The following TLK2 variants were observed in gnomAD, a reference collection of about 807,000 sequenced individuals.
TLK2 encodes serine/threonine-protein kinase tousled-like 2.
Under a neutral mutation model 117.3 loss-of-function variants are expected in TLK2, and 6 were observed. The observed-to-expected ratio is 0.05, with a 90% CI of 0.03 to 0.10. The LOEUF (loss-of-function observed/expected upper bound fraction) is 0.10, where lower values mean the gene tolerates loss of function less well. Among genes scored for constraint, TLK2 ranks in the 10% least tolerant of loss-of-function variants. TLK2 has a pLI of 1.00. For synonymous variants in TLK2, 257 were observed against 316.7 expected (o/e 0.81, Z 2.00); for missense variants, 299 against 901.2 (o/e 0.33, Z 8.56).
chr17:62,479,907 C>T (rs2071420541), intron 1 of TLK2, among the ~76,000 whole-genome samples: 1 of 152,198 alleles, frequency 6.6e-6, no homozygotes, highest in African/African-American at 2.4e-5. Context: ...CAGGGCAAGA[C>T]GCGAGGAAGG....
In TLK2 at chr17:62,559,970, T is replaced by G. The variant is rs139766205; in HGVS notation, c.721-46T>G. ...CTCTCCCTAGAAACTGCTTTTCCATTAATCTTCTTCCTTGGAGCTAATTAA... is the reference window on the plus strand; with the variant it reads ...CTCTCCCTAGAAACTGCTTTTCCATGAATCTTCTTCCTTGGAGCTAATTAA... On this transcript the variant is annotated intron_variant, in intron 9 of 21. Transcript: ENST00000346027. The G allele has an allele frequency of 7.2e-4, 996 of 1,391,366 alleles. 23 individuals are homozygous for G. The East Asian group carries it at 0.022, about 31-fold the overall frequency. The allele number at this position is 1,391,366 out of a possible 1,614,324, so 86.2% of individuals were successfully genotyped here.
intron 20 of TLK2, among the ~76,000 whole-genome samples, chr17:62,607,530 A>G (rs751821383): frequency 4.0e-5 from 6 of 151,600 alleles, no homozygotes; most frequent in Admixed American, 3.9e-4. Context: ...CTCCATCTCA[A>G]AAAAAAAGAC....
chr17:62,546,344 GTT>G lies in TLK2; in HGVS notation c.532-5943_532-5942del, dbSNP rs61100480. On this transcript the variant is annotated intron_variant, in intron 7 of 21. Transcript: ENST00000346027. ...GTTCCCTATTTTGAGTTTGTTGATT[GTT>G]TTTTTTTTTTTTTTACATAATGAAA... Among the ~76,000 whole-genome samples, 7 of 23,346 alleles carry G rather than the reference GTT, an allele frequency of 3.0e-4. 1 individual carries two copies. The highest frequency in any genetic ancestry group is 3.6e-3 in the South Asian group (1 of 276). The allele number at this position is 23,346 out of a possible 152,430, so 15.3% of individuals were successfully genotyped here.
At chr17:62,471,413 T>C (rs1457657021) in intron 1 of TLK2, among the ~76,000 whole-genome samples, 1 of 152,216 alleles carries the variant, frequency 6.6e-6, no homozygotes, top group Non-Finnish European at 1.5e-5. Flanking sequence ...AATGGAAGAT[T>C]TCCCCATAGC....
At chr17:62,478,506 G>A (rs1237154852), upstream of TLK2, among the ~76,000 whole-genome samples, 1 of 149,762 alleles carries the variant, frequency 6.7e-6, no homozygotes, top group Non-Finnish European at 1.5e-5. Context: ...CAGTCGCAGG[G>A]CGCCCCGGGC....
At chr17:62,534,881 CTTTT>C (rs386386398) in intron 6 of TLK2, among the ~76,000 whole-genome samples, 1 of 72,988 alleles carries the variant, frequency 1.4e-5, no homozygotes, top group Non-Finnish European at 2.4e-5. Flanking sequence ...TAATTCCAGT[CTTTT>C]TTTTTTTTTT....
At chr17:62,503,545 G>C (rs1292706786) in intron 2 of TLK2, among the ~76,000 whole-genome samples, 1 of 150,920 alleles carries the variant, frequency 6.6e-6, no homozygotes, top group African/African-American at 2.4e-5. Context: ...AGCCACCCTA[G>C]TTGCTGGGAT....
intron 2 of TLK2, among the ~76,000 whole-genome samples, chr17:62,513,007 T>C (rs1332118394): frequency 6.6e-6 from 1 of 151,382 alleles, no homozygotes; most frequent in African/African-American, 2.4e-5. Context: ...GCCTCCCAGG[T>C]AGCTGGGATT....
intron 11 of TLK2, among the ~76,000 whole-genome samples, chr17:62,571,865 A>G (rs545724794): frequency 1.0e-3 from 154 of 152,262 alleles, no homozygotes; most frequent in African/African-American, 3.4e-3. Flanking sequence ...ATTTGAGTGT[A>G]GGTTTTAAAA....
At chr17:62,586,926 T>G (rs1282927564) in intron 16 of TLK2, among the ~76,000 whole-genome samples, 1 of 151,922 alleles carries the variant, frequency 6.6e-6, no homozygotes, top group Non-Finnish European at 1.5e-5. Flanking sequence ...TAGAAGAGAC[T>G]GGGGGCACCT....
At position 62,578,472 on chromosome 17, in the gene TLK2, T is replaced by A. The variant is rs766719958; in HGVS notation, c.1189-5T>A. ...TTTGTGCTATTTCTTTCCTTTTCGC[T>A]TTAGGAGGAAGCAGAGATCCAGGCA... On this transcript the variant is annotated splice_region_variant and splice_polypyrimidine_tract_variant and intron_variant, in intron 13 of 21. Coordinates refer to ENST00000346027, the MANE Select transcript of TLK2 (RefSeq NM_006852.6). The A allele has an allele frequency of 6.2e-7, 1 of 1,613,292 alleles. No individual in the cohort carries two copies. The highest frequency in any genetic ancestry group is 8.5e-7 in the Non-Finnish European group (1 of 1,179,530).
intron 14 of TLK2, among the ~76,000 whole-genome samples, chr17:62,578,784 A>C (rs1241595956): frequency 2.0e-5 from 3 of 152,224 alleles, no homozygotes. Context: ...TTATATATTA[A>C]GTATATATGT....
At chr17:62,565,329 G>A (rs2079668089) in intron 11 of TLK2, among the ~76,000 whole-genome samples, 192 bp downstream of exon 11, 1 of 152,132 alleles carries the variant, frequency 6.6e-6, no homozygotes, top group Admixed American at 6.6e-5. Flanking sequence ...AGTAAAATCA[G>A]GAGTACAAAA....
chr17:62,479,722 C>A (rs2071388370), intron 1 of TLK2, among the ~76,000 whole-genome samples: 1 of 152,226 alleles, frequency 6.6e-6, no homozygotes, highest in African/African-American at 2.4e-5. Context: ...AGTCCAAGGC[C>A]CCGCTGGAAT....
intron 2 of TLK2, among the ~76,000 whole-genome samples, chr17:62,482,600 C>A (rs2144393332): frequency 6.6e-6 from 1 of 151,950 alleles, no homozygotes; most frequent in East Asian, 1.9e-4. Flanking sequence ...CAGGCATGCA[C>A]CACCATGCCT....
intron 11 of TLK2, among the ~76,000 whole-genome samples, chr17:62,565,896 T>C (rs1267048280): frequency 2.6e-5 from 4 of 152,146 alleles, no homozygotes; most frequent in African/African-American, 7.2e-5. Flanking sequence ...AAGAACTTTA[T>C]AGGACATGTT....
chr17:62,603,391 C>T (rs1387193669), intron 19 of TLK2, among the ~76,000 whole-genome samples: 1 of 152,148 alleles, frequency 6.6e-6, no homozygotes, highest in Non-Finnish European at 1.5e-5. Flanking sequence ...TGTTTATTCA[C>T]TGTGGTGGTT....
chr17:62,506,096 C>T (rs2074665092), intron 2 of TLK2, among the ~76,000 whole-genome samples: 1 of 152,172 alleles, frequency 6.6e-6, no homozygotes, highest in Admixed American at 6.5e-5. Flanking sequence ...TCATAAGTAA[C>T]AGTTATCTAG....
intron 7 of TLK2, among the ~76,000 whole-genome samples, chr17:62,539,316 A>G (rs1324440242): frequency 6.6e-6 from 1 of 152,120 alleles, no homozygotes; most frequent in Non-Finnish European, 1.5e-5. Flanking sequence ...TTCATTAGCA[A>G]CTATTGATCA....
Sources: allele counts gnomAD v4.1 joint callset (sites outside exome capture counted in the v4.1 genomes callset), GRCh38; gene constraint gnomAD v4.1.1; transcripts MANE v1.5; gene names NCBI Gene and HGNC (gene_info 2026-07-23, HGNC 2026-07-21).